Variants in PRDM2 observed in about 807,000 individuals in gnomAD.
PRDM2 encodes PR/SET domain 2.
PRDM2 carries 30 observed loss-of-function variants against 130.0 expected under a neutral mutation model. The ratio of observed to expected loss-of-function variants is 0.23; its 90% confidence interval spans 0.17 to 0.31. PRDM2 has a LOEUF of 0.31. PRDM2 is among the 10% of genes least tolerant of loss of function. The pLI, the probability that PRDM2 is intolerant of heterozygous loss-of-function variation, is 1.00. For synonymous variants in PRDM2, 871 were observed against 782.4 expected, an observed-to-expected ratio of 1.11 and a Z score of -1.89; for missense variants, 2,011 against 2,108.4, an observed-to-expected ratio of 0.95 and a Z score of 0.90.
chr1:13,729,165 A>G (rs889772750), intron 2 of PRDM2, among the ~76,000 whole-genome samples: 8 of 152,322 alleles, frequency 5.3e-5, no homozygotes, highest in Non-Finnish European at 8.8e-5. Flanking sequence ...CATTCTACCC[A>G]GCATGTAAGA....
intron 6 of PRDM2, among the ~76,000 whole-genome samples, chr1:13,751,045 T>C (rs913366994): frequency 2.6e-5 from 4 of 152,238 alleles, no homozygotes; most frequent in African/African-American, 9.6e-5. Context: ...AACCTTACTT[T>C]AACGCTTTTC....
At chr1:13,810,332 A>G (rs1005665309) in intron 8 of PRDM2, among the ~76,000 whole-genome samples, 1 of 151,298 alleles carries the variant, frequency 6.6e-6, no homozygotes, top group Admixed American at 6.6e-5. Flanking sequence ...TCTGCTACAG[A>G]CTCTGTATTT....
At chr1:13,750,489 G>C (rs1476622718) in intron 6 of PRDM2, among the ~76,000 whole-genome samples, 1 of 151,932 alleles carries the variant, frequency 6.6e-6, no homozygotes, top group Non-Finnish European at 1.5e-5. Context: ...ATTGCAAAGT[G>C]AGTTGTGGAA....
At position 13,806,932 on chromosome 1, in the gene PRDM2, C is replaced by T. The variant is rs978678535; in HGVS notation, c.5037-9495C>T. 7.2e-5 allele frequency among the ~76,000 whole-genome samples: 11 copies of T among 152,252 alleles called. No individual in the cohort carries two copies. Among genetic ancestry groups the T allele is most frequent in the East Asian group, 1.9e-4 (1 of 5,178 alleles). On this transcript the variant is annotated intron_variant, in intron 8 of 9. Coordinates refer to ENST00000311066, the MANE Select transcript of PRDM2 (RefSeq NM_001393986.1). This position sits in a 1 kb window ranked among gnomAD's most constrained non-coding sequence, Gnocchi z 4.1. ...CCTGGAACGCACAAGGCGTAGTATC[C>T]GGACCGATTGATCCCCCCACCCCAG...
intron 8 of PRDM2, among the ~76,000 whole-genome samples, chr1:13,795,750 C>T (rs1315424726): frequency 6.6e-6 from 1 of 152,200 alleles, no homozygotes; most frequent in Non-Finnish European, 1.5e-5. Flanking sequence ...CTCATCCCTC[C>T]AGCTTTGTTA....
chr1:13,763,468 G>A (rs1194871938), intron 6 of PRDM2, among the ~76,000 whole-genome samples: 2 of 152,056 alleles, frequency 1.3e-5, no homozygotes, highest in African/African-American at 2.4e-5. Context: ...GTCCATTGTG[G>A]GTTTGATGTT....
intron 2 of PRDM2, among the ~76,000 whole-genome samples, chr1:13,728,404 A>T (rs569595093): frequency 6.6e-5 from 10 of 152,366 alleles, no homozygotes; most frequent in South Asian, 4.1e-4. Flanking sequence ...AGTCCAGCCC[A>T]TGAATCTACC....
chr1:13,792,603 A>G (rs554915576), intron 8 of PRDM2, among the ~76,000 whole-genome samples: 1 of 152,322 alleles, frequency 6.6e-6, no homozygotes, highest in East Asian at 1.9e-4. Context: ...ATTCAGGCAC[A>G]TTCTCCTGTT....
chr1:13,785,834 CTTTTTTTTT>C (rs537560305), intron 8 of PRDM2, among the ~76,000 whole-genome samples: 2 of 115,110 alleles, frequency 1.7e-5, no homozygotes, highest in African/African-American at 3.2e-5. Context: ...TTTTTGGGTT[CTTTTTTTTT>C]TTTTTTTTTT....
intron 2 of PRDM2, among the ~76,000 whole-genome samples, chr1:13,719,928 GATTATT>G (rs1277527864): frequency 1.3e-5 from 2 of 152,016 alleles, no homozygotes; most frequent in East Asian, 3.9e-4. Context: ...TTACTTTGGT[GATTATT>G]ATTAGTCTAT....
chr1:13,787,913 A>T, intron 8 of PRDM2: 1 of 985,344 alleles, frequency 1.0e-6, no homozygotes, highest in Non-Finnish European at 1.2e-6. Context: ...ATAGATAGAC[A>T]AGAGTGGTGT....
intron 6 of PRDM2, among the ~76,000 whole-genome samples, chr1:13,762,794 C>G (rs1644132861): frequency 6.6e-6 from 1 of 152,148 alleles, no homozygotes; most frequent in African/African-American, 2.4e-5. Context: ...TTACCTGGCT[C>G]CCTTGGTGGA....
chr1:13,809,546 G>A (rs1401430902), intron 8 of PRDM2, among the ~76,000 whole-genome samples: 1 of 152,142 alleles, frequency 6.6e-6, no homozygotes, highest in East Asian at 1.9e-4. Flanking sequence ...CATAATTTAA[G>A]TTCAGGAACT....
intron 6 of PRDM2, 72 bp downstream of exon 6, chr1:13,749,559 C>G (rs1416643920): frequency 4.8e-6 from 5 of 1,046,088 alleles, no homozygotes; most frequent in Non-Finnish European, 5.9e-6. Flanking sequence ...GCCGCCCTCG[C>G]TGCTGCTGGC....
chr1:13,786,056 T>G (rs879754198), intron 8 of PRDM2, among the ~76,000 whole-genome samples: 19 of 151,938 alleles, frequency 1.3e-4, no homozygotes, highest in Admixed American at 3.9e-4. Flanking sequence ...GCCAGGATGG[T>G]CTCGATCTCC....
chr1:13,753,394 C>T (rs187362780), intron 6 of PRDM2, among the ~76,000 whole-genome samples: 3 of 152,278 alleles, frequency 2.0e-5, no homozygotes, highest in Admixed American at 2.0e-4. Flanking sequence ...TTTATCTCAG[C>T]GACTCTTAGT....
chr1:13,790,796 G>C (rs903283665), intron 8 of PRDM2, among the ~76,000 whole-genome samples: 1 of 152,120 alleles, frequency 6.6e-6, no homozygotes. Flanking sequence ...CCCGATCCTT[G>C]CTGCCACCTA....
intron 1 of PRDM2, among the ~76,000 whole-genome samples, chr1:13,710,693 A>G (rs1642342215): frequency 1.3e-5 from 2 of 152,224 alleles, no homozygotes; most frequent in Admixed American, 1.3e-4. Flanking sequence ...GCAGAAAAGA[A>G]ACTAAGGCAT....
At chr1:13,743,170 C>G (rs1253827494) in intron 5 of PRDM2, among the ~76,000 whole-genome samples, 1 of 151,956 alleles carries the variant, frequency 6.6e-6, no homozygotes, top group Non-Finnish European at 1.5e-5. Flanking sequence ...GAGGCCAAGG[C>G]GGGCGGATCA....
Sources: allele counts gnomAD v4.1 joint callset (sites outside exome capture counted in the v4.1 genomes callset), GRCh38; gene constraint gnomAD v4.1.1; non-coding constraint Gnocchi (gnomAD v3.1); transcripts MANE v1.5; gene names NCBI Gene and HGNC (gene_info 2026-07-23, HGNC 2026-07-21).